BBS2: variants seen among roughly 807,000 people sequenced by gnomAD.
The protein encoded by BBS2 is BBSome complex member BBS2.
A neutral mutation model predicts 83.0 loss-of-function variants in BBS2; 62 were observed. That is an observed-to-expected ratio of 0.75 (90% CI 0.61 to 0.92). The LOEUF is 0.92. Among genes scored for constraint, BBS2 ranks in the 40% least tolerant of loss-of-function variants. The probability of loss-of-function intolerance (pLI) is 0.00; values close to 1 mark genes in which losing one functional copy is unlikely to be tolerated. For synonymous variants in BBS2, 303 were observed against 326.1 expected, an observed-to-expected ratio of 0.93 and a Z score of 0.76; for missense variants, 784 against 901.0, an observed-to-expected ratio of 0.87 and a Z score of 1.66.
In BBS2 at chr16:56,502,701, C is replaced by CTGTAT. The variant is rs780200540; in HGVS notation, c.907_911dup (p.Leu305TyrfsTer3). ...CCCCATCCACTGAGCAGCAGATTAA[C>CTGTAT]TGTATGTGGCCATCCATCCGGTAAT... On this transcript the variant is annotated frameshift_variant, in exon 8 of 17. Transcript: ENST00000245157. LOFTEE classifies it high-confidence loss of function. The CTGTAT allele has an allele frequency of 6.2e-7, 1 of 1,614,178 alleles. No individual in the cohort carries two copies. Among genetic ancestry groups the CTGTAT allele is most frequent in the Non-Finnish European group, 8.5e-7 (1 of 1,180,036 alleles).
chr16:56,493,056 T>C (rs1288021534), intron 15 of BBS2, among the ~76,000 whole-genome samples: 2 of 151,974 alleles, frequency 1.3e-5, no homozygotes, highest in African/African-American at 4.8e-5. Context: ...CTCTACACCA[T>C]GGTGGAGAAA....
chr16:56,499,993 T>C (rs1177133431), intron 11 of BBS2, 86 bp from the exon 12 acceptor site: 1 of 1,528,456 alleles, frequency 6.5e-7, no homozygotes, highest in African/African-American at 1.4e-5. Flanking sequence ...AAGCCACTTC[T>C]GGGTCATCAA....
chr16:56,488,969 T>C (rs898932303), intron 15 of BBS2, among the ~76,000 whole-genome samples: 13 of 152,160 alleles, frequency 8.5e-5, no homozygotes, highest in African/African-American at 3.1e-4. Flanking sequence ...TTTTTAGAGA[T>C]GGGGTCTTGC....
chr16:56,509,824 G>T, intron 5 of BBS2, 133 bp downstream of exon 5: 1 of 815,826 alleles, frequency 1.2e-6, no homozygotes. Flanking sequence ...AGCTCTGTCT[G>T]ACCCCCTCCC....
chr16:56,514,240 C>T (rs1964665742), intron 2 of BBS2, among the ~76,000 whole-genome samples: 1 of 152,188 alleles, frequency 6.6e-6, no homozygotes, highest in Non-Finnish European at 1.5e-5. Context: ...TAGAGATAAG[C>T]TCGAGTGTCA....
chr16:56,495,791 T>C (rs1179569760), intron 15 of BBS2, among the ~76,000 whole-genome samples: 6 of 149,930 alleles, frequency 4.0e-5, no homozygotes, highest in African/African-American at 1.2e-4. Context: ...TGTGTGTGTG[T>C]ATATATATGT....
intron 17 of BBS2, chr16:56,470,851 A>G (rs1963138179): frequency 6.9e-7 from 1 of 1,441,554 alleles, no homozygotes; most frequent in African/African-American, 1.4e-5. Context: ...TCAAACATGT[A>G]TTCATTCAAC....
intron 17 of BBS2, chr16:56,477,136 A>G (rs1379440846): frequency 1.3e-5 from 2 of 152,206 alleles, no homozygotes; most frequent in African/African-American, 4.8e-5. Context: ...TCTCAAAAAA[A>G]AAAAAGAAGA....
At chr16:56,497,223 C>T in intron 14 of BBS2, 144 bp from the exon 15 acceptor site, 1 of 702,352 alleles carries the variant, frequency 1.4e-6, no homozygotes, top group Non-Finnish European at 2.6e-6. Context: ...CCCGTTATTT[C>T]ATCTCTGTCT....
At chr16:56,511,766 C>T (rs146114301) in intron 2 of BBS2, among the ~76,000 whole-genome samples, 4 of 152,264 alleles carry the variant, frequency 2.6e-5, no homozygotes, top group South Asian at 2.1e-4. Context: ...GTCCTAAACT[C>T]GATTTCACTT....
intron 15 of BBS2, among the ~76,000 whole-genome samples, chr16:56,496,391 T>A (rs1964117436): frequency 6.6e-6 from 1 of 152,220 alleles, no homozygotes. Flanking sequence ...TCCCTCCTTC[T>A]CTAGGAGAAA....
chr16:56,496,903 G>T, intron 15 of BBS2, 64 bp downstream of exon 15: 3 of 1,119,064 alleles, frequency 2.7e-6, no homozygotes, highest in Non-Finnish European at 4.1e-6. Flanking sequence ...ACATCTGAGA[G>T]TTGCTATTCC....
chr16:56,474,850 A>C, intron 17 of BBS2: 1 of 1,612,896 alleles, frequency 6.2e-7, no homozygotes. Context: ...CCATGTGCCA[A>C]GGGGAACTGA....
downstream of BBS2, among the ~76,000 whole-genome samples, chr16:56,481,414 A>G (rs185224651): frequency 2.7e-3 from 404 of 152,284 alleles, 1 homozygote; most frequent in Non-Finnish European, 4.4e-3. Flanking sequence ...ATGGGAGAGG[A>G]AAGGTCACCT....
intron 17 of BBS2, among the ~76,000 whole-genome samples, chr16:56,473,813 CT>C (rs1254737181): frequency 3.0e-4 from 43 of 144,752 alleles, no homozygotes; most frequent in East Asian, 6.0e-4. Flanking sequence ...TATTAACCTT[CT>C]TTTTTTTTTT....
At chr16:56,496,918 T>TG (rs772255345) in intron 15 of BBS2, 49 bp downstream of exon 15, 2 of 1,298,320 alleles carry the variant, frequency 1.5e-6, no homozygotes, top group South Asian at 2.4e-5. Flanking sequence ...TATTCCATAC[T>TG]GCTCACATTT....
chr16:56,492,158 G>A (rs573903537), intron 15 of BBS2, among the ~76,000 whole-genome samples: 10 of 151,618 alleles, frequency 6.6e-5, no homozygotes, highest in Non-Finnish European at 1.3e-4. Context: ...TCTCACTTCC[G>A]GGTATTTATC....
intron 17 of BBS2, among the ~76,000 whole-genome samples, chr16:56,472,564 T>C (rs1963248230): frequency 6.6e-6 from 1 of 152,186 alleles, no homozygotes; most frequent in South Asian, 2.1e-4. Context: ...TCTAGTGAGA[T>C]AACATTACAG....
intron 16 of BBS2, 110 bp from the exon 17 acceptor site, chr16:56,484,977 A>C: frequency 1.2e-6 from 1 of 827,992 alleles, no homozygotes; most frequent in Non-Finnish European, 2.0e-6. Flanking sequence ...GTTATACTTG[A>C]AATATGATTT....
Sources: gnomAD v4.1 joint callset for allele counts (sites outside exome capture counted in the v4.1 genomes callset) on GRCh38, gnomAD v4.1.1 for gene constraint, MANE v1.5 for transcripts, NCBI Gene and HGNC (gene_info 2026-07-23, HGNC 2026-07-21) for gene names.